Variants in PCDH9 observed in about 807,000 individuals in gnomAD.
PCDH9 encodes protocadherin-9.
Under a neutral mutation model 70.6 loss-of-function variants are expected in PCDH9, and 24 were observed. That is an observed-to-expected ratio of 0.34 (90% CI 0.25 to 0.48). The LOEUF (loss-of-function observed/expected upper bound fraction) is 0.48. Among genes scored for constraint, PCDH9 ranks in the 20% least tolerant of loss-of-function variants. PCDH9 has a pLI of 0.99. For synonymous variants in PCDH9, 562 were observed against 558.5 expected, an observed-to-expected ratio of 1.01 and a Z score of -0.09; for missense variants, 1,281 against 1,503.6, an observed-to-expected ratio of 0.85 and a Z score of 2.45.
At chr13:66,706,840 G>A (rs9599136) in intron 3 of PCDH9, among the ~76,000 whole-genome samples, 77,735 of 151,910 alleles carry the variant, frequency 0.51, 19,999 homozygotes, top group Middle Eastern at 0.56. Flanking sequence ...CATGGGTGCT[G>A]ATCCTGAAGC....
chr13:66,570,480 A>G (rs1593699726), intron 4 of PCDH9, among the ~76,000 whole-genome samples: 1 of 152,172 alleles, frequency 6.6e-6, no homozygotes, highest in African/African-American at 2.4e-5. Flanking sequence ...ATCAATGTCA[A>G]TATCCTGGCA....
At chr13:67,047,078 G>A (rs1374769882) in intron 2 of PCDH9, among the ~76,000 whole-genome samples, 1 of 152,150 alleles carries the variant, frequency 6.6e-6, no homozygotes, top group African/African-American at 2.4e-5. Flanking sequence ...ACGTATTAAA[G>A]TGCTAATGGG....
chr13:66,392,199 A>G (rs1401616992), intron 4 of PCDH9, among the ~76,000 whole-genome samples: 17 of 151,954 alleles, frequency 1.1e-4, no homozygotes, highest in Admixed American at 1.1e-3. Context: ...AGAAAAAAAA[A>G]TATGTATTTT....
chr13:66,856,644 A>G (rs1289485782), intron 3 of PCDH9, among the ~76,000 whole-genome samples: 1 of 152,006 alleles, frequency 6.6e-6, no homozygotes, highest in Non-Finnish European at 1.5e-5. Context: ...TGTCCCTTTG[A>G]TTAGCACTAT....
At chr13:67,058,100 G>A (rs2138116751) in intron 2 of PCDH9, among the ~76,000 whole-genome samples, 1 of 152,134 alleles carries the variant, frequency 6.6e-6, no homozygotes, top group East Asian at 1.9e-4. Flanking sequence ...GATATTTTCT[G>A]TTTTTATTAA....
At chr13:66,322,638 C>T (rs1432363417) in intron 4 of PCDH9, among the ~76,000 whole-genome samples, 2 of 151,952 alleles carry the variant, frequency 1.3e-5, no homozygotes, top group Non-Finnish European at 2.9e-5. Context: ...TGATAGAATC[C>T]TTATTAATTC....
chr13:66,607,228 C>A (rs1048745686), intron 4 of PCDH9, among the ~76,000 whole-genome samples: 2 of 151,980 alleles, frequency 1.3e-5, no homozygotes, highest in Admixed American at 6.6e-5. Flanking sequence ...GACCTTGAAA[C>A]AATTATTCTC....
At chr13:66,551,931 A>G (rs1961505490) in intron 4 of PCDH9, among the ~76,000 whole-genome samples, 2 of 152,186 alleles carry the variant, frequency 1.3e-5, no homozygotes, top group African/African-American at 4.8e-5. Context: ...TGAGAGACGT[A>G]TGTGATTTTT....
At chr13:67,165,869 T>C (rs933330040) in intron 2 of PCDH9, among the ~76,000 whole-genome samples, 1 of 152,234 alleles carries the variant, frequency 6.6e-6, no homozygotes, top group Non-Finnish European at 1.5e-5. Context: ...TTTGAATGAC[T>C]AGTTTGTTGA....
At chr13:66,825,581 C>T (rs1367211546) in intron 3 of PCDH9, among the ~76,000 whole-genome samples, 4 of 151,814 alleles carry the variant, frequency 2.6e-5, no homozygotes, top group East Asian at 1.9e-4. Flanking sequence ...GTGATCCGCC[C>T]GTCTCGGCCT....
chr13:67,186,775 T>G (rs1403277091), intron 2 of PCDH9, among the ~76,000 whole-genome samples: 7 of 152,226 alleles, frequency 4.6e-5, no homozygotes, highest in African/African-American at 1.7e-4. Flanking sequence ...TGTTTATTTT[T>G]TAACATATTG....
chr13:67,091,321 T>A (rs530933272), intron 2 of PCDH9, among the ~76,000 whole-genome samples: 1 of 152,164 alleles, frequency 6.6e-6, no homozygotes, highest in African/African-American at 2.4e-5. Flanking sequence ...AAACACTTCA[T>A]GAAAAATGCA....
chr13:66,577,771 T>C (rs1366054937), intron 4 of PCDH9, among the ~76,000 whole-genome samples: 2 of 152,022 alleles, frequency 1.3e-5, no homozygotes, highest in Non-Finnish European at 2.9e-5. Flanking sequence ...TTTTCAGAGT[T>C]ATGGATTTTA....
intron 4 of PCDH9, among the ~76,000 whole-genome samples, chr13:66,487,388 C>G (rs1389839755): frequency 6.6e-6 from 1 of 152,130 alleles, no homozygotes; most frequent in Non-Finnish European, 1.5e-5. Context: ...TTTAGGGAGG[C>G]TTAATTTATA....
At chr13:66,812,824 T>C (rs2080533312) in intron 3 of PCDH9, among the ~76,000 whole-genome samples, 1 of 152,196 alleles carries the variant, frequency 6.6e-6, no homozygotes, top group Non-Finnish European at 1.5e-5. Flanking sequence ...TTAAACTTTA[T>C]TTTGTCCTAT....
Position 66,343,808 on chromosome 13 carries a change from C to T in PCDH9, c.3341-38780G>A, listed in dbSNP as rs74515834. 4.6e-3 allele frequency among the ~76,000 whole-genome samples: 706 copies of T among 152,136 alleles called. 12 individuals carry two copies. Among genetic ancestry groups the T allele is most frequent in the African/African-American group, 0.016 (655 of 41,492 alleles). ...TAGGACATGAACATCGCTGTGGGAACGGGGGGCATTGCCTACTGCTTTAGA... is the reference window on the plus strand; with the variant it reads ...TAGGACATGAACATCGCTGTGGGAATGGGGGGCATTGCCTACTGCTTTAGA... On this transcript the variant is annotated intron_variant, in intron 4 of 4. Coordinates refer to ENST00000377865, the MANE Select transcript of PCDH9 (RefSeq NM_203487.3).
chr13:66,757,648 C>T (rs1006931885), intron 3 of PCDH9, among the ~76,000 whole-genome samples: 5 of 151,938 alleles, frequency 3.3e-5, no homozygotes, highest in Non-Finnish European at 5.9e-5. Flanking sequence ...ATATATAAAA[C>T]GTATGAGGAA....
intron 4 of PCDH9, among the ~76,000 whole-genome samples, chr13:66,543,167 C>T (rs909387167): frequency 3.3e-5 from 5 of 151,940 alleles, no homozygotes; most frequent in Admixed American, 1.3e-4. Context: ...ATCAGTTGCA[C>T]GTTAGATGAA....
At chr13:66,840,048 C>T (rs1293868516) in intron 3 of PCDH9, among the ~76,000 whole-genome samples, 1 of 152,144 alleles carries the variant, frequency 6.6e-6, no homozygotes, top group African/African-American at 2.4e-5. Context: ...AGGTTGTTGG[C>T]CATTCCTAGG....
Sources: gnomAD v4.1 joint callset for allele counts (sites outside exome capture counted in the v4.1 genomes callset) on GRCh38, gnomAD v4.1.1 for gene constraint, MANE v1.5 for transcripts, NCBI Gene and HGNC (gene_info 2026-07-23, HGNC 2026-07-21) for gene names.